Variants in SPAG16 observed in about 807,000 individuals in gnomAD.
The protein encoded by SPAG16 is sperm-associated antigen 16 protein.
Under a neutral mutation model 80.4 loss-of-function variants are expected in SPAG16, and 86 were observed. The observed-to-expected ratio is 1.07, with a 90% CI of 0.90 to 1.28. The LOEUF is 1.28. Ranked by LOEUF, SPAG16 falls within the 50% of genes most tolerant of loss-of-function variation. The pLI is 0.00. For missense variants in SPAG16, 870 were observed against 765.3 expected, an observed-to-expected ratio of 1.14 and a Z score of -1.61; for synonymous variants, 294 against 265.9, an observed-to-expected ratio of 1.11 and a Z score of -1.03.
intron 10 of SPAG16, among the ~76,000 whole-genome samples, chr2:213,667,049 T>C (rs1186669533): frequency 6.6e-6 from 1 of 152,160 alleles, no homozygotes; most frequent in Non-Finnish European, 1.5e-5. Context: ...ATTGAGGAGG[T>C]AATGGAGAAA....
chr2:213,772,837 A>G (rs1174093427), intron 10 of SPAG16, among the ~76,000 whole-genome samples: 1 of 152,180 alleles, frequency 6.6e-6, no homozygotes, highest in Non-Finnish European at 1.5e-5. Context: ...TTGTCTTCCA[A>G]TCTATGAACA....
chr2:213,834,608 G>A (rs1212080732), intron 10 of SPAG16, among the ~76,000 whole-genome samples: 1 of 152,124 alleles, frequency 6.6e-6, no homozygotes, highest in Non-Finnish European at 1.5e-5. Flanking sequence ...TGCTTTGTGG[G>A]AGGGGAGTTC....
chr2:213,846,555 T>C (rs1470219083), intron 10 of SPAG16, among the ~76,000 whole-genome samples: 1 of 151,988 alleles, frequency 6.6e-6, no homozygotes, highest in Non-Finnish European at 1.5e-5. Context: ...TTCCATCTAG[T>C]TAATTTGACA....
At chr2:213,438,760 C>G (rs1278765214) in intron 9 of SPAG16, among the ~76,000 whole-genome samples, 1 of 152,194 alleles carries the variant, frequency 6.6e-6, no homozygotes, top group Admixed American at 6.5e-5. Flanking sequence ...TACCCCCAAT[C>G]AACTGAGTTA....
At chr2:213,697,437 G>C (rs1172446320) in intron 10 of SPAG16, among the ~76,000 whole-genome samples, 1 of 152,132 alleles carries the variant, frequency 6.6e-6, no homozygotes, top group Non-Finnish European at 1.5e-5. Flanking sequence ...GGTCCCCAAA[G>C]ATATTCAGAT....
chr2:214,005,935 T>C (rs1301129772), intron 12 of SPAG16, among the ~76,000 whole-genome samples: 2 of 152,178 alleles, frequency 1.3e-5, no homozygotes, highest in African/African-American at 4.8e-5. Flanking sequence ...TCACTTATGT[T>C]CATGTTGGAT....
At chr2:213,699,192 T>C (rs1161268861) in intron 10 of SPAG16, among the ~76,000 whole-genome samples, 1 of 152,148 alleles carries the variant, frequency 6.6e-6, no homozygotes, top group African/African-American at 2.4e-5. Context: ...TTTTTATTTT[T>C]CCCCCATTTT....
At chr2:213,291,030 C>T (rs1363612467) in intron 1 of SPAG16, among the ~76,000 whole-genome samples, 1 of 152,174 alleles carries the variant, frequency 6.6e-6, no homozygotes, top group African/African-American at 2.4e-5. Context: ...TTGAGAAACT[C>T]ATCTGTTTTC....
intron 13 of SPAG16, among the ~76,000 whole-genome samples, chr2:214,086,789 C>A (rs1271528775): frequency 1.3e-5 from 2 of 152,128 alleles, no homozygotes; most frequent in African/African-American, 2.4e-5. Context: ...TAAAAACAAG[C>A]AAATTGGATC....
intron 10 of SPAG16, among the ~76,000 whole-genome samples, chr2:213,837,493 A>G (rs762592068): frequency 9.2e-5 from 14 of 152,216 alleles, no homozygotes; most frequent in Non-Finnish European, 1.3e-4. Context: ...TATTTTATAC[A>G]ATTTTAAAAT....
intron 3 of SPAG16, among the ~76,000 whole-genome samples, chr2:213,300,732 A>G (rs1163541557): frequency 2.6e-5 from 4 of 152,170 alleles, no homozygotes; most frequent in African/African-American, 9.6e-5. Flanking sequence ...TTTAAAGTAA[A>G]TAAATGAATA....
intron 6 of SPAG16, among the ~76,000 whole-genome samples, chr2:213,341,175 A>C (rs1272086347): frequency 6.6e-6 from 1 of 152,200 alleles, no homozygotes; most frequent in Non-Finnish European, 1.5e-5. Flanking sequence ...TTTAATCATT[A>C]AGAAAAACAT....
chr2:214,194,306 A>C (rs2057761924), intron 15 of SPAG16, among the ~76,000 whole-genome samples: 1 of 152,104 alleles, frequency 6.6e-6, no homozygotes, highest in African/African-American at 2.4e-5. Context: ...ATAGTCATGA[A>C]GTATATGCAC....
chr2:213,551,936 T>C (rs2076791600), intron 10 of SPAG16, among the ~76,000 whole-genome samples: 1 of 152,074 alleles, frequency 6.6e-6, no homozygotes, highest in South Asian at 2.1e-4. Flanking sequence ...ATTCCCAAGA[T>C]CTTTATAGGC....
chr2:213,365,386 C>G (rs1168627151), intron 8 of SPAG16: 1 of 151,958 alleles, frequency 6.6e-6, no homozygotes, highest in Non-Finnish European at 1.5e-5. Context: ...GGAATTTAAG[C>G]AAAGAAATGA....
intron 13 of SPAG16, among the ~76,000 whole-genome samples, chr2:214,043,273 A>G (rs755589456): frequency 6.6e-6 from 1 of 152,140 alleles, no homozygotes; most frequent in Non-Finnish European, 1.5e-5. Context: ...AGAGCCTGAT[A>G]TATCCTGGTT....
chr2:213,609,550 C>G (rs2061375520), intron 10 of SPAG16, among the ~76,000 whole-genome samples: 1 of 152,184 alleles, frequency 6.6e-6, no homozygotes, highest in South Asian at 2.1e-4. Flanking sequence ...CACTCATGAA[C>G]AGCAATCTAT....
intron 15 of SPAG16, among the ~76,000 whole-genome samples, chr2:214,203,956 C>G (rs2058077690): frequency 6.6e-6 from 1 of 152,182 alleles, no homozygotes; most frequent in Non-Finnish European, 1.5e-5. Context: ...TCTGCCTACC[C>G]ACTGCCTGGA....
intron 11 of SPAG16, among the ~76,000 whole-genome samples, chr2:213,894,717 G>T (rs1858253): frequency 0.34 from 52,034 of 151,916 alleles, 9,385 homozygotes; most frequent in South Asian, 0.47. Context: ...ACGGCCTGGC[G>T]CAGTGGCTCA....
Sources: allele counts gnomAD v4.1 joint callset (sites outside exome capture counted in the v4.1 genomes callset), GRCh38; gene constraint gnomAD v4.1.1; transcripts MANE v1.5; gene names NCBI Gene and HGNC (gene_info 2026-07-23, HGNC 2026-07-21).